The following CADM2 variants were observed in gnomAD, a reference collection of about 807,000 sequenced individuals.
CADM2 encodes the protein immunoglobulin superfamily member 4D.
CADM2 carries 12 observed loss-of-function variants against 49.8 expected under a neutral mutation model. The observed-to-expected ratio is 0.24, with a 90% confidence interval of 0.15 to 0.39. The LOEUF (loss-of-function observed/expected upper bound fraction) is 0.39. Among genes scored for constraint, CADM2 ranks in the 10% least tolerant of loss-of-function variants. The probability of loss-of-function intolerance (pLI) is 1.00; values close to 1 mark genes in which losing one functional copy is unlikely to be tolerated. For missense variants in CADM2, 378 were observed against 492.3 expected (o/e 0.77, Z 2.20); for synonymous variants, 214 against 175.4 (o/e 1.22, Z -1.74).
intron 1 of CADM2, among the ~76,000 whole-genome samples, chr3:85,210,297 A>G (rs941916777): frequency 6.6e-6 from 1 of 152,154 alleles, no homozygotes; most frequent in Non-Finnish European, 1.5e-5. Context: ...TGTATGTTGA[A>G]CCATCCATGT....
At chr3:84,964,426 A>C (rs1355378224) in intron 1 of CADM2, among the ~76,000 whole-genome samples, 1 of 152,194 alleles carries the variant, frequency 6.6e-6, no homozygotes, top group African/African-American at 2.4e-5. Context: ...TTAATAATCA[A>C]ATATAGACCT....
chr3:85,830,392 TTG>T, intron 3 of CADM2, among the ~76,000 whole-genome samples: 1 of 151,972 alleles, frequency 6.6e-6, no homozygotes, highest in Non-Finnish European at 1.5e-5. Context: ...TGCCATTGAG[TTG>T]TGTGAGTTCC....
intron 1 of CADM2, among the ~76,000 whole-genome samples, chr3:85,470,846 C>T (rs1171301084): frequency 2.6e-5 from 4 of 152,098 alleles, no homozygotes; most frequent in African/African-American, 7.2e-5. Flanking sequence ...CAAAGTTCAA[C>T]TGCATATGTT....
chr3:85,832,417 T>C (rs1375266996), intron 3 of CADM2, among the ~76,000 whole-genome samples: 1 of 152,000 alleles, frequency 6.6e-6, no homozygotes, highest in East Asian at 1.9e-4. Context: ...AGTATGGCAA[T>C]TTTAACAATA....
At chr3:85,017,192 G>A (rs935311305) in intron 1 of CADM2, among the ~76,000 whole-genome samples, 1 of 152,300 alleles carries the variant, frequency 6.6e-6, no homozygotes, top group African/African-American at 2.4e-5. Context: ...AGAATGCAGA[G>A]TGTATAGCTT....
intron 1 of CADM2, among the ~76,000 whole-genome samples, chr3:85,393,089 T>TAAAAA (rs781046665): frequency 8.6e-5 from 11 of 128,394 alleles, no homozygotes; most frequent in South Asian, 2.6e-4. Context: ...GTAAACTCTT[T>TAAAAA]AAAAAAAAAA....
At chr3:85,841,373 A>T (rs11919633) in intron 3 of CADM2, among the ~76,000 whole-genome samples, 6,573 of 152,026 alleles carry the variant, frequency 0.043, 447 homozygotes, top group African/African-American at 0.15. Flanking sequence ...TGCTTAAAAA[A>T]GATGAACCCT....
intron 5 of CADM2, among the ~76,000 whole-genome samples, chr3:85,900,746 T>C (rs764414589): frequency 2.6e-5 from 4 of 152,192 alleles, no homozygotes; most frequent in African/African-American, 4.8e-5. Context: ...GTTCCATAGC[T>C]CTCATCCGGT....
chr3:85,427,200 A>ATG (rs2036454525), intron 1 of CADM2, among the ~76,000 whole-genome samples: 2 of 126,622 alleles, frequency 1.6e-5, no homozygotes, highest in Admixed American at 8.6e-5. Context: ...ATATATATAT[A>ATG]TGTATAATAA....
chr3:85,825,431 G>A (rs1273989822), intron 3 of CADM2, among the ~76,000 whole-genome samples: 1 of 152,000 alleles, frequency 6.6e-6, no homozygotes, highest in South Asian at 2.1e-4. Flanking sequence ...GCCCAAATAA[G>A]TATTCCACCT....
chr3:86,060,433 GATCTACTGCATT>G (rs1248886470), intron 8 of CADM2, among the ~76,000 whole-genome samples: 1 of 152,114 alleles, frequency 6.6e-6, no homozygotes, highest in Non-Finnish European at 1.5e-5. Context: ...TACCTGAATT[GATCTACTGCATT>G]AAGAATGAGC....
intron 8 of CADM2, among the ~76,000 whole-genome samples, chr3:86,059,877 G>A (rs1445364929): frequency 6.6e-6 from 1 of 151,520 alleles, no homozygotes; most frequent in African/African-American, 2.4e-5. Context: ...AACAGTTATG[G>A]GGATTTAAAA....
intron 8 of CADM2, among the ~76,000 whole-genome samples, chr3:86,000,064 T>A (rs887880459): frequency 6.6e-6 from 1 of 152,190 alleles, no homozygotes; most frequent in Non-Finnish European, 1.5e-5. Context: ...TTTTTTAAAA[T>A]TCATACATTA....
At chr3:85,137,058 A>G (rs750625599) in intron 1 of CADM2, among the ~76,000 whole-genome samples, 13 of 151,946 alleles carry the variant, frequency 8.6e-5, no homozygotes, top group Admixed American at 2.6e-4. Context: ...GGGTATCATA[A>G]TACAAAAGCA....
chr3:84,992,969 A>C (rs1328595023), intron 1 of CADM2, among the ~76,000 whole-genome samples: 2 of 152,138 alleles, frequency 1.3e-5, no homozygotes, highest in African/African-American at 4.8e-5. Flanking sequence ...TTGGATGTTG[A>C]AGGTTGTCAA....
chr3:86,062,224 T>C (rs973375237), intron 8 of CADM2, among the ~76,000 whole-genome samples: 1 of 152,148 alleles, frequency 6.6e-6, no homozygotes, highest in African/African-American at 2.4e-5. Context: ...TGTCTGTTTA[T>C]GAAAACTTGA....
chr3:86,014,795 G>T (rs546158238), intron 8 of CADM2: 1 of 1,473,930 alleles, frequency 6.8e-7, no homozygotes, highest in African/African-American at 1.4e-5. Flanking sequence ...AACACAGGAG[G>T]AAAGATATAG....
chr3:85,464,828 C>G (rs2038413228), intron 1 of CADM2, among the ~76,000 whole-genome samples: 1 of 152,044 alleles, frequency 6.6e-6, no homozygotes. Context: ...CTCTGTACTC[C>G]AAAATCAATA....
At chr3:85,896,363 G>A (rs1715217499) in intron 5 of CADM2, among the ~76,000 whole-genome samples, 1 of 152,174 alleles carries the variant, frequency 6.6e-6, no homozygotes, top group Non-Finnish European at 1.5e-5. Flanking sequence ...GGTTTTTGAA[G>A]TTAAGTGACT....
Sources: gnomAD v4.1 joint callset for allele counts (sites outside exome capture counted in the v4.1 genomes callset) on GRCh38, gnomAD v4.1.1 for gene constraint, MANE v1.5 for transcripts, NCBI Gene and HGNC (gene_info 2026-07-23, HGNC 2026-07-21) for gene names.